RIMS1: variants seen among roughly 807,000 people sequenced by gnomAD.
The protein encoded by RIMS1 is regulating synaptic membrane exocytosis 1.
RIMS1 carries 83 observed loss-of-function variants against 214.1 expected under a neutral mutation model. The ratio of observed to expected loss-of-function variants is 0.39; its 90% CI spans 0.32 to 0.47. The LOEUF (loss-of-function observed/expected upper bound fraction) is 0.47. Among genes scored for constraint, RIMS1 ranks in the 20% least tolerant of loss-of-function variants. The pLI is 0.99. For synonymous variants in RIMS1, 793 were observed against 786.8 expected (o/e 1.01, Z -0.13); for missense variants, 2,050 against 2,161.8 (o/e 0.95, Z 1.03).
At chr6:71,939,420 T>G (rs536704017) in intron 1 of RIMS1, among the ~76,000 whole-genome samples, 3 of 152,210 alleles carry the variant, frequency 2.0e-5, no homozygotes, top group Non-Finnish European at 4.4e-5. Context: ...CAAAGCTGCT[T>G]CCACATTTTC....
At chr6:72,116,165 T>C (rs1454350855) in intron 4 of RIMS1, among the ~76,000 whole-genome samples, 1 of 151,970 alleles carries the variant, frequency 6.6e-6, no homozygotes, top group Non-Finnish European at 1.5e-5. Flanking sequence ...CTTCTAAGGA[T>C]TGGCAACTCA....
intron 1 of RIMS1, among the ~76,000 whole-genome samples, chr6:71,963,640 T>G (rs1462267472): frequency 6.6e-6 from 1 of 152,186 alleles, no homozygotes. Context: ...TAGGTCATAT[T>G]CTGTGAAATA....
chr6:72,026,595 G>C (rs1310627285), intron 2 of RIMS1, among the ~76,000 whole-genome samples: 2 of 151,070 alleles, frequency 1.3e-5, no homozygotes, highest in Non-Finnish European at 2.9e-5. Context: ...TATGTCCTTT[G>C]TTTCTAGAGA....
intron 1 of RIMS1, among the ~76,000 whole-genome samples, chr6:71,918,054 G>A (rs1352510176): frequency 6.6e-6 from 1 of 152,156 alleles, no homozygotes; most frequent in Non-Finnish European, 1.5e-5. Context: ...GAATATTCAA[G>A]TTGGGGAGTT....
intron 4 of RIMS1, among the ~76,000 whole-genome samples, chr6:72,134,649 C>T (rs1165982115): frequency 6.6e-6 from 1 of 152,026 alleles, no homozygotes; most frequent in Non-Finnish European, 1.5e-5. Flanking sequence ...TGATTACTAG[C>T]ATTTATAATG....
rs1389536596 is a variant in RIMS1, at chr6:72,400,367, A to G, written c.4861-129A>G. On this transcript the variant is annotated intron_variant, in intron 33 of 33. Coordinates refer to ENST00000521978, the MANE Select transcript of RIMS1 (RefSeq NM_014989.7). ...TCTTATCTGTGCCTTCTCCTTGGTG[A>G]TAGTTGTATTCATTATTCTTTTCCT... 2.0e-5 allele frequency: 14 copies of G among 706,508 alleles called. No individual in the cohort carries two copies. In the East Asian group the frequency reaches 3.7e-4, roughly 19 times the overall value. 43.8% of individuals were successfully genotyped at this position (706,508 alleles called of 1,614,324 possible).
intron 29 of RIMS1, among the ~76,000 whole-genome samples, chr6:72,386,689 T>G (rs2154431607): frequency 6.6e-6 from 1 of 152,172 alleles, no homozygotes; most frequent in East Asian, 1.9e-4. Flanking sequence ...CTGCCTAATT[T>G]TTTCCCTATC....
chr6:71,934,980 G>C (rs983734037), intron 1 of RIMS1, among the ~76,000 whole-genome samples: 2 of 152,056 alleles, frequency 1.3e-5, no homozygotes, highest in Non-Finnish European at 2.9e-5. Flanking sequence ...CCCTAAAATT[G>C]AACTATTTTT....
chr6:72,348,389 C>T (rs1006580079), intron 29 of RIMS1, among the ~76,000 whole-genome samples: 3 of 151,910 alleles, frequency 2.0e-5, no homozygotes, highest in East Asian at 1.9e-4. Flanking sequence ...CGTTTACTGT[C>T]GGACGACTGT....
At chr6:72,248,963 T>C (rs2071658372) in intron 12 of RIMS1, among the ~76,000 whole-genome samples, 1 of 152,198 alleles carries the variant, frequency 6.6e-6, no homozygotes, top group South Asian at 2.1e-4. Context: ...TGTGTAAATC[T>C]CTCATATTCT....
rs116824656 is a variant in RIMS1, at chr6:71,935,791, G to A, written c.165-33192G>A. Among the ~76,000 whole-genome samples the A allele has an allele frequency of 3.6e-3, 541 of 152,236 alleles. 5 individuals carry two copies. The highest frequency in any genetic ancestry group is 0.012 in the African/African-American group (513 of 41,542). On this transcript the variant is annotated intron_variant, in intron 1 of 33. Coordinates refer to ENST00000521978, the MANE Select transcript of RIMS1 (RefSeq NM_014989.7). ...ACTAAAAGTTTAAAGTAGATTCTGC[G>A]AACACAATTTCAAAATCTCCCTCTC...
chr6:72,321,794 T>A (rs1431278601), intron 28 of RIMS1, among the ~76,000 whole-genome samples: 2 of 152,098 alleles, frequency 1.3e-5, no homozygotes, highest in African/African-American at 4.8e-5. Context: ...TTGTTCCCTC[T>A]ACCTTCACCA....
intron 2 of RIMS1, among the ~76,000 whole-genome samples, chr6:71,970,432 G>T (rs544676717): frequency 6.6e-6 from 1 of 152,158 alleles, no homozygotes; most frequent in African/African-American, 2.4e-5. Flanking sequence ...AATTAACATT[G>T]ATTTTAAAAT....
chr6:72,250,714 AT>A (rs2072893994), intron 13 of RIMS1, among the ~76,000 whole-genome samples: 1 of 152,142 alleles, frequency 6.6e-6, no homozygotes, highest in African/African-American at 2.4e-5. Flanking sequence ...ATCATTTAGA[AT>A]GTACCTTTGT....
At chr6:71,936,666 A>G (rs1420483509) in intron 1 of RIMS1, among the ~76,000 whole-genome samples, 1 of 152,206 alleles carries the variant, frequency 6.6e-6, no homozygotes, top group Non-Finnish European at 1.5e-5. Context: ...CTGAGTTTAG[A>G]GAATGATCTG....
In RIMS1 at chr6:71,927,295, A is replaced by G. The variant is rs115771857; in HGVS notation, c.164+40108A>G. Among the ~76,000 whole-genome samples, 513 of 152,296 alleles carry G rather than the reference A, an allele frequency of 3.4e-3. 3 individuals carry two copies. Among genetic ancestry groups the G allele is most frequent in the African/African-American group, 0.012 (487 of 41,568 alleles). On this transcript the variant is annotated intron_variant, in intron 1 of 33. Transcript: ENST00000521978. ...AACAGAGTTACTCTGAAGGATAAAG[A>G]CATTCGGACTGATTCACAATTTTCT...
chr6:72,291,670 A>G (rs1461003697), intron 25 of RIMS1, among the ~76,000 whole-genome samples: 1 of 152,224 alleles, frequency 6.6e-6, no homozygotes, highest in Non-Finnish European at 1.5e-5. Flanking sequence ...CTTAATAGAA[A>G]GTTAATGAAA....
chr6:72,079,227 G>T (rs1283216384), intron 2 of RIMS1, among the ~76,000 whole-genome samples: 1 of 152,228 alleles, frequency 6.6e-6, no homozygotes, highest in East Asian at 1.9e-4. Flanking sequence ...CCAGATGTGG[G>T]ATTACTGTGT....
At position 72,399,217 on chromosome 6, in the gene RIMS1, T is replaced by C. The variant is rs972581862; in HGVS notation, c.4860+123T>C. ...ATAAATGTAGGATAATATTCTTGAG[T>C]AGACAAAATTCAAATGGTTAGTTTA... On this transcript the variant is annotated intron_variant, in intron 33 of 33. Transcript: ENST00000521978. The C allele has an allele frequency of 4.5e-6, 3 of 665,868 alleles. No individual in the cohort carries two copies. The African/African-American group carries it at 5.6e-5, about 12-fold the overall frequency. The allele number at this position is 665,868 out of a possible 1,614,324, so 41.2% of individuals were successfully genotyped here.
Sources: allele counts gnomAD v4.1 joint callset (sites outside exome capture counted in the v4.1 genomes callset), GRCh38; gene constraint gnomAD v4.1.1; transcripts MANE v1.5; gene names NCBI Gene and HGNC (gene_info 2026-07-23, HGNC 2026-07-21).